NPY5R: variants seen among roughly 807,000 people sequenced by gnomAD.
NPY5R encodes the protein neuropeptide Y receptor type 5.
Under a neutral mutation model 24.8 loss-of-function variants are expected in NPY5R, and 21 were observed. The observed-to-expected ratio is 0.85, with a 90% confidence interval of 0.60 to 1.22. The LOEUF is 1.22. Among genes scored for constraint, NPY5R ranks in the 50% most tolerant of loss-of-function variants. The probability of loss-of-function intolerance (pLI) is 0.00; values close to 1 mark genes in which losing one functional copy is unlikely to be tolerated. For synonymous variants in NPY5R, 175 were observed against 183.0 expected, an observed-to-expected ratio of 0.96 and a Z score of 0.35; for missense variants, 481 against 521.3, an observed-to-expected ratio of 0.92 and a Z score of 0.75.
chr4:163,351,070 G>A lies in NPY5R; in HGVS notation c.797G>A (p.Gly266Glu), dbSNP rs755342331. ...ACTCTTCATCCATCCAAAAAGAGTG[G>A]GCCTCAGGTGAAACTCTCTGGCAGC... ...NLTLHPSKKS[G>E]PQVKLSGSHK... The change falls in exon 4 of 4, where the codon GGG becomes GAG. Residue 266 changes from glycine to glutamate, a missense_variant. Transcript: ENST00000338566. 4.3e-6 allele frequency: 7 copies of A among 1,613,902 alleles called. No homozygotes were observed. The East Asian group carries it at 1.1e-4, about 26-fold the overall frequency.
chr4:163,344,854 AG>A (rs1475384670), intron 1 of NPY5R: 1 of 152,234 alleles, frequency 6.6e-6, no homozygotes, highest in Non-Finnish European at 1.5e-5. Context: ...AGATTTCTCA[AG>A]GGAAGAGAAA....
At chr4:163,346,518 A>T (rs1428140467) in intron 2 of NPY5R, among the ~76,000 whole-genome samples, 1 of 152,202 alleles carries the variant, frequency 6.6e-6, no homozygotes, top group Non-Finnish European at 1.5e-5. Flanking sequence ...ACAACTAATC[A>T]TTCTTAGCTG....
intron 2 of NPY5R, among the ~76,000 whole-genome samples, chr4:163,346,546 C>G (rs36227915): frequency 4.1e-4 from 63 of 152,186 alleles, no homozygotes; most frequent in African/African-American, 1.3e-3. Flanking sequence ...ATAGAAGGAG[C>G]CTACCCTTTA....
intron 3 of NPY5R, among the ~76,000 whole-genome samples, chr4:163,349,736 A>G (rs1735397001): frequency 6.6e-6 from 1 of 152,240 alleles, no homozygotes; most frequent in Non-Finnish European, 1.5e-5. Flanking sequence ...ATAAATTAAT[A>G]CATCTTAGAA....
Position 163,350,491 on chromosome 4 carries a change from AG to A in NPY5R, c.219del (p.Thr74LeufsTer3). 1 of 1,614,138 alleles carries A rather than the reference AG, an allele frequency of 6.2e-7. No homozygotes were observed. Among genetic ancestry groups the A allele is most frequent in the African/African-American group, 1.3e-5 (1 of 75,046 alleles). On this transcript the variant is annotated frameshift_variant, in exon 4 of 4. Coordinates refer to ENST00000338566, the MANE Select transcript of NPY5R (RefSeq NM_006174.4). LOFTEE classifies it high-confidence loss of function. ...LMALMKKRNQ[K>X]TTVNFLIGNL... Reference sequence around the variant, plus strand: ...GCTCTCATGAAAAAGCGTAATCAGAAGACTACGGTAAACTTCCTCATAGGCA... The same window carrying A: ...GCTCTCATGAAAAAGCGTAATCAGAAACTACGGTAAACTTCCTCATAGGCA...
intron 3 of NPY5R, among the ~76,000 whole-genome samples, chr4:163,349,753 A>G (rs1735397566): frequency 6.6e-6 from 1 of 152,228 alleles, no homozygotes; most frequent in Non-Finnish European, 1.5e-5. Context: ...AGAAGTAATG[A>G]TAAAATTAAA....
In NPY5R at chr4:163,351,521, G is replaced by A. The variant is rs780114554; in HGVS notation, c.1248G>A (p.Met416Ile). 4 of 1,612,884 alleles carry A rather than the reference G, an allele frequency of 2.5e-6. No individual in the cohort carries two copies. Among genetic ancestry groups the A allele is most frequent in the Non-Finnish European group, 3.4e-6 (4 of 1,178,926 alleles). ...GCATTTGTCATTTGTTGGGCATGAT[G>A]TCCTGTTGTCTTAATCCAATTCTAT... is the stretch of plus-strand genomic sequence containing the variant. ...VYCICHLLGM[M>I]SCCLNPILYG... Residue 416 changes from methionine to isoleucine, a missense_variant, in exon 4 of 4, where the codon ATG becomes ATA. Met to Ile is a conservative substitution (Grantham distance 10). Transcript: ENST00000338566.
intron 3 of NPY5R, 68 bp from the exon 4 acceptor site, chr4:163,350,197 T>C: frequency 8.7e-7 from 1 of 1,144,396 alleles, no homozygotes; most frequent in Non-Finnish European, 1.2e-6. Context: ...TCCCTCTGAA[T>C]AGATTAATTT....
chr4:163,345,754 G>A lies in NPY5R; in HGVS notation c.-81+1G>A, dbSNP rs1387950400. ...TTTTCAGGAAAAAGGAAGGGAAAGGGTAAGTTTAATGGAAAAAATCCTGCT... is the reference window on the plus strand; with the variant it reads ...TTTTCAGGAAAAAGGAAGGGAAAGGATAAGTTTAATGGAAAAAATCCTGCT... On this transcript the variant is annotated splice_donor_variant, in intron 2 of 3. Coordinates refer to ENST00000338566, the MANE Select transcript of NPY5R (RefSeq NM_006174.4). LOFTEE classifies it low-confidence loss of function (5UTR_SPLICE). 1.3e-5 allele frequency: 2 copies of A among 152,122 alleles called. No individual in the cohort carries two copies. Among genetic ancestry groups the A allele is most frequent in the South Asian group, 2.1e-4 (1 of 4,826 alleles). The allele number at this position is 152,122 out of a possible 1,614,324, so 9.4% of individuals were successfully genotyped here.
intron 3 of NPY5R, among the ~76,000 whole-genome samples, chr4:163,348,781 T>C (rs1052434505): frequency 1.3e-5 from 2 of 151,894 alleles, no homozygotes; most frequent in Admixed American, 1.3e-4. Context: ...GTCTAATATG[T>C]AGAGGTAAAT....
Position 163,350,812 on chromosome 4 carries a change from T to C in NPY5R, c.539T>C (p.Leu180Pro). Residue 180 changes from leucine (L) to proline (P), a missense_variant, in exon 4 of 4, where the codon CTT (leucine) becomes CCT (proline). Transcript: ENST00000338566. ...TCTCCCCTTCCAGTGTTTCACAGTC[T>C]TGTGGAACTTCAAGAAACATTTGGT... The part of the protein sequence containing the change: ...ICSPLPVFHS[L>P]VELQETFGSA... 1.9e-6 allele frequency: 3 copies of C among 1,614,186 alleles called. No homozygotes were observed. The highest frequency in any genetic ancestry group is 1.7e-5 in the Admixed American group (1 of 60,034).
In NPY5R at chr4:163,350,472, A is replaced by G; in HGVS notation, c.199A>G (p.Met67Val). Reference sequence around the variant, plus strand: ...GAATCTACTTATTTTAATGGCTCTCATGAAAAAGCGTAATCAGAAGACTAC... The same window carrying G: ...GAATCTACTTATTTTAATGGCTCTCGTGAAAAAGCGTAATCAGAAGACTAC... ...MGNLLILMAL[M>V]KKRNQKTTVN... is the part of the protein sequence containing the mutation. The change falls in exon 4 of 4, where the codon ATG (methionine) becomes GTG (valine). Residue 67 changes from methionine to valine, a missense_variant. By Grantham distance (21) the Met-to-Val change is conservative (BLOSUM62 1). Transcript: ENST00000338566. 1 of 1,613,650 alleles carries G rather than the reference A, an allele frequency of 6.2e-7. No homozygotes were observed. Among genetic ancestry groups the G allele is most frequent in the Non-Finnish European group, 8.5e-7 (1 of 1,179,554 alleles).
chr4:163,351,199 C>A lies in NPY5R; in HGVS notation c.926C>A (p.Ser309Tyr). ...GAAAGACCTTCTCAAGAGAACCACT[C>A]CAGAATACTTCCAGAAAACTTTGGC... Reference protein sequence around the residue: ...APERPSQENHSRILPENFGSV... With the variant: ...APERPSQENHYRILPENFGSV... The change falls in exon 4 of 4, where the codon TCC (serine) becomes TAC (tyrosine). Residue 309 changes from serine (S) to tyrosine (Y), a missense_variant. Physicochemically the swap from Ser to Tyr is moderately radical, Grantham distance 144 (BLOSUM62 -2). Coordinates refer to ENST00000338566, the MANE Select transcript of NPY5R (RefSeq NM_006174.4). The A allele has an allele frequency of 6.2e-7, 1 of 1,614,042 alleles. No individual in the cohort carries two copies. Among genetic ancestry groups the A allele is most frequent in the South Asian group, 1.1e-5 (1 of 91,060 alleles).
At position 163,350,827 on chromosome 4, in the gene NPY5R, A is replaced by C. The variant is rs768861008; in HGVS notation, c.554A>C (p.Glu185Ala). 6.2e-6 allele frequency: 10 copies of C among 1,614,080 alleles called. No individual in the cohort carries two copies. The South Asian group carries it at 8.8e-5, about 14-fold the overall frequency. ...TTTCACAGTCTTGTGGAACTTCAAG[A>C]AACATTTGGTTCAGCATTGCTGAGC... The part of the protein sequence containing the change: ...PVFHSLVELQ[E>A]TFGSALLSSR... The change falls in exon 4 of 4, where the codon GAA becomes GCA. Residue 185 changes from glutamate to alanine, a missense_variant. Coordinates refer to ENST00000338566, the MANE Select transcript of NPY5R (RefSeq NM_006174.4).
intron 1 of NPY5R, chr4:163,344,769 T>C (rs941871163): frequency 6.6e-6 from 1 of 152,222 alleles, no homozygotes; most frequent in Non-Finnish European, 1.5e-5. Flanking sequence ...CCAAAACGAT[T>C]TTACCTTAGA....
Position 163,351,392 on chromosome 4 carries a change from G to T in NPY5R, c.1119G>T (p.Leu373=). 6.2e-7 allele frequency: 1 copy of T among 1,611,772 alleles called. No homozygotes were observed. Among genetic ancestry groups the T allele is most frequent in the Non-Finnish European group, 8.5e-7 (1 of 1,177,996 alleles). ...GTGTTTTCTACAGACTGACCATACTGATATTAGTATTTGCTGTTAGTTGGA... is the reference window on the plus strand; with the variant it reads ...GTGTTTTCTACAGACTGACCATACTTATATTAGTATTTGCTGTTAGTTGGA... The part of the protein sequence containing the change: ...SRSVFYRLTI[L]ILVFAVSWMP... The change falls in exon 4 of 4, where the codon CTG becomes CTT. Residue 373 remains leucine (L), a synonymous_variant. Transcript: ENST00000338566.
In NPY5R at chr4:163,350,594, G is replaced by A; in HGVS notation, c.321G>A (p.Trp107Ter). 1 of 1,614,148 alleles carries A rather than the reference G, an allele frequency of 6.2e-7. No homozygotes were observed. The highest frequency in any genetic ancestry group is 8.5e-7 in the Non-Finnish European group (1 of 1,180,016). Residue 107 changes from tryptophan (W) to a stop codon, truncating the protein, a stop_gained, in exon 4 of 4, where the codon TGG (tryptophan) becomes TGA (stop). Transcript: ENST00000338566. LOFTEE classifies it high-confidence loss of function. ...FTLTSVLLDQWMFGKVMCHIM... is the reference protein window; with the variant it reads ...FTLTSVLLDQ ...TGACGTCTGTCTTGCTGGATCAGTG[G>A]ATGTTTGGCAAAGTCATGTGCCATA...
At chr4:163,344,746 T>G (rs1735145399) in intron 1 of NPY5R, 1 of 152,288 alleles carries the variant, frequency 6.6e-6, no homozygotes, top group Non-Finnish European at 1.5e-5. Flanking sequence ...TGAGGCGTTG[T>G]GTTGGACCAA....
chr4:163,347,132 G>A (rs1306531724), intron 2 of NPY5R, among the ~76,000 whole-genome samples: 1 of 152,012 alleles, frequency 6.6e-6, no homozygotes, highest in Non-Finnish European at 1.5e-5. Context: ...TAAAACGATT[G>A]GTAAGAAATA....
Sources: allele counts gnomAD v4.1 joint callset (sites outside exome capture counted in the v4.1 genomes callset), GRCh38; gene constraint gnomAD v4.1.1; transcripts MANE v1.5; gene names NCBI Gene and HGNC (gene_info 2026-07-23, HGNC 2026-07-21).